PSMD3: variants seen among roughly 807,000 people sequenced by gnomAD.
The protein encoded by PSMD3 is 26S proteasome non-ATPase regulatory subunit 3.
Under a neutral mutation model 62.8 loss-of-function variants are expected in PSMD3, and 5 were observed. That is an observed-to-expected ratio of 0.08 (90% confidence interval 0.04 to 0.17). The LOEUF is 0.17. PSMD3 is among the 10% of genes least tolerant of loss of function. The probability of loss-of-function intolerance (pLI) is 1.00; values close to 1 mark genes in which losing one functional copy is unlikely to be tolerated. For synonymous variants in PSMD3, 265 were observed against 283.9 expected, an observed-to-expected ratio of 0.93 and a Z score of 0.67; for missense variants, 524 against 713.6, an observed-to-expected ratio of 0.73 and a Z score of 3.03.
intron 4 of PSMD3, 131 bp downstream of exon 4, chr17:39,988,950 C>G: frequency 1.6e-6 from 2 of 1,249,272 alleles, no homozygotes; most frequent in Non-Finnish European, 1.1e-6. Context: ...CAGTGGTTCC[C>G]ATGCCCTGCG....
chr17:39,986,762 G>C, intron 3 of PSMD3, 50 bp downstream of exon 3: 1 of 1,595,336 alleles, frequency 6.3e-7, no homozygotes, highest in Non-Finnish European at 8.6e-7. Context: ...TGATGCAAGG[G>C]GTTTGGCGGG....
In PSMD3 at chr17:39,989,692, G is replaced by A. The variant is rs181992372; in HGVS notation, c.687-47G>A. 9.6e-6 allele frequency: 15 copies of A among 1,557,764 alleles called. No individual in the cohort carries two copies. In the East Asian group the frequency reaches 2.9e-4, roughly 30 times the overall value. Reference sequence around the variant, plus strand: ...AGAGCGAAGAGTTAAAGGCAGTTCAGAGAGTTGTGATTTGAAGGCTTTGAC... The same window carrying A: ...AGAGCGAAGAGTTAAAGGCAGTTCAAAGAGTTGTGATTTGAAGGCTTTGAC... On this transcript the variant is annotated intron_variant, in intron 4 of 11. Coordinates refer to ENST00000264639, the MANE Select transcript of PSMD3 (RefSeq NM_002809.4).
chr17:39,988,869 G>T (rs551997648), intron 4 of PSMD3, 50 bp downstream of exon 4: 3 of 1,599,208 alleles, frequency 1.9e-6, no homozygotes, highest in Admixed American at 3.3e-5. Context: ...CAGAGACTTG[G>T]TCAGTCACAA....
At chr17:39,983,651 A>G (rs758003442) in intron 1 of PSMD3, among the ~76,000 whole-genome samples, 1 of 152,084 alleles carries the variant, frequency 6.6e-6, no homozygotes, top group Non-Finnish European at 1.5e-5. Context: ...TGCGTATGTG[A>G]TTTCTCCCAT....
intron 6 of PSMD3, among the ~76,000 whole-genome samples, chr17:39,991,986 C>G (rs1980664920): frequency 7.1e-6 from 1 of 140,094 alleles, no homozygotes; most frequent in Non-Finnish European, 1.5e-5. Flanking sequence ...GATCGTGCCA[C>G]TGCACTGCAG....
chr17:39,997,410 A>C (rs779103864), intron 11 of PSMD3, 30 bp downstream of exon 11: 2 of 1,613,630 alleles, frequency 1.2e-6, no homozygotes, highest in Admixed American at 1.7e-5. Flanking sequence ...GGTGAGACCG[A>C]AAGGTCAAAC....
chr17:39,982,717 T>G (rs1451415455), intron 1 of PSMD3, among the ~76,000 whole-genome samples: 4 of 152,242 alleles, frequency 2.6e-5, no homozygotes, highest in African/African-American at 9.6e-5. Context: ...ATCATTAGTG[T>G]GGCCCAGATA....
In PSMD3 at chr17:39,987,807, C is replaced by A. The variant is rs147210161; in HGVS notation, c.550-876C>A. 2.6e-3 allele frequency among the ~76,000 whole-genome samples: 394 copies of A among 152,224 alleles called. 5 individuals carry two copies. Among genetic ancestry groups the A allele is most frequent in the South Asian group, 7.7e-3 (37 of 4,820 alleles). ...TGTTTGTTTTTGAGATATAATTCAC[C>A]CCTTTAAAGTGTACTACAGGCCAGG... On this transcript the variant is annotated intron_variant, in intron 3 of 11. Coordinates refer to ENST00000264639, the MANE Select transcript of PSMD3 (RefSeq NM_002809.4).
chr17:39,984,367 G>A lies in PSMD3; in HGVS notation c.294G>A (p.Leu98=). The change falls in exon 2 of 12, where the codon CTG becomes CTA. Residue 98 remains leucine (L), a synonymous_variant. Transcript: ENST00000264639. ...AGCCGAGATTCGTGCTGCGGGCCCT[G>A]CGGATGCTGCCTTCCACATCACGCC... ...GKEPRFVLRA[L]RMLPSTSRRL... 6.2e-7 allele frequency: 1 copy of A among 1,613,836 alleles called. No homozygotes were observed. Among genetic ancestry groups the A allele is most frequent in the South Asian group, 1.1e-5 (1 of 91,060 alleles).
In PSMD3 at chr17:39,997,637, G is replaced by T; in HGVS notation, c.*56G>T. On this transcript the variant is annotated 3_prime_UTR_variant, in exon 12 of 12. Coordinates refer to ENST00000264639, the MANE Select transcript of PSMD3 (RefSeq NM_002809.4). Reference sequence around the variant, plus strand: ...GGGGACAGGCTCTTTCCCCCTTGGGGGTCCCCTGCCCAGGGCACTGTCCCC... The same window carrying T: ...GGGGACAGGCTCTTTCCCCCTTGGGTGTCCCCTGCCCAGGGCACTGTCCCC... The T allele has an allele frequency of 6.4e-7, 1 of 1,572,432 alleles. No individual in the cohort carries two copies. Among genetic ancestry groups the T allele is most frequent in the Non-Finnish European group, 8.7e-7 (1 of 1,149,102 alleles).
intron 6 of PSMD3, 107 bp from the exon 7 acceptor site, chr17:39,994,847 C>T: frequency 5.4e-6 from 5 of 921,126 alleles, no homozygotes; most frequent in Non-Finnish European, 8.5e-6. Flanking sequence ...AACAGTGATC[C>T]CTTTCCCTGT....
At chr17:39,994,694 G>A (rs978235428) in intron 6 of PSMD3, 17 of 505,910 alleles carry the variant, frequency 3.4e-5, no homozygotes, top group Admixed American at 1.3e-4. Context: ...GACTACGCGC[G>A]GGGTGGCCAG....
At chr17:39,986,758 A>G (rs1311657507) in intron 3 of PSMD3, 46 bp downstream of exon 3, 1 of 1,605,118 alleles carries the variant, frequency 6.2e-7, no homozygotes, top group East Asian at 2.2e-5. Flanking sequence ...CAAGTGATGC[A>G]AGGGGTTTGG....
In PSMD3 at chr17:39,981,045, A is replaced by G. The variant is rs1980368427; in HGVS notation, c.75A>G (p.Glu25=). The change falls in exon 1 of 12, where the codon GAA becomes GAG. Residue 25 remains glutamate, a synonymous_variant. Transcript: ENST00000264639. ...AKPPPGGGEQ[E]PPPPPAPQDV... ...CGCCGCCCGGCGGAGGAGAACAAGA[A>G]CCCCCACCGCCGCCGGCCCCCCAGG... is the stretch of plus-strand genomic sequence containing the variant. The G allele has an allele frequency of 6.5e-7, 1 of 1,549,042 alleles. No individual in the cohort carries two copies. Among genetic ancestry groups the G allele is most frequent in the African/African-American group, 1.4e-5 (1 of 72,870 alleles).
At position 39,988,710 on chromosome 17, in the gene PSMD3, C is replaced by A; in HGVS notation, c.577C>A (p.Gln193Lys). 6.2e-7 allele frequency: 1 copy of A among 1,614,160 alleles called. No homozygotes were observed. The highest frequency in any genetic ancestry group is 1.1e-5 in the South Asian group (1 of 91,086). The change falls in exon 4 of 12, where the codon CAG (glutamine) becomes AAG (lysine). Residue 193 changes from glutamine to lysine, a missense_variant. This residue lies in a region of PSMD3 where 396 missense variants were observed against 475.8 expected (regional missense o/e 0.83). Coordinates refer to ENST00000264639, the MANE Select transcript of PSMD3 (RefSeq NM_002809.4). ...ACAGAAGATCTCTGATGATCTGATG[C>A]AGAAGATCAGTACTCAGAACCGCCG... ...EAQKISDDLM[Q>K]KISTQNRRAL...
intron 1 of PSMD3, among the ~76,000 whole-genome samples, chr17:39,982,352 A>G (rs1165429469): frequency 6.6e-6 from 1 of 152,228 alleles, no homozygotes; most frequent in Non-Finnish European, 1.5e-5. Flanking sequence ...TGTGGAATGT[A>G]TGAGAAGTTA....
At chr17:39,984,164 C>T (rs1980461200) in intron 1 of PSMD3, 130 bp from the exon 2 acceptor site, 2 of 783,256 alleles carry the variant, frequency 2.6e-6, no homozygotes, top group African/African-American at 1.9e-5. Flanking sequence ...CACACCACTG[C>T]ACTCCGGCCT....
intron 6 of PSMD3, 129 bp downstream of exon 6, chr17:39,990,326 G>C (rs1980626410): frequency 1.3e-6 from 1 of 782,360 alleles, no homozygotes; most frequent in Non-Finnish European, 2.0e-6. Flanking sequence ...GCTTCCCAAA[G>C]TGCTGGGATC....
intron 6 of PSMD3, 30 bp downstream of exon 6, chr17:39,990,227 C>CTATT: frequency 2.2e-6 from 3 of 1,381,398 alleles, no homozygotes; most frequent in Non-Finnish European, 2.9e-6. Flanking sequence ...ATCCCTTTGC[C>CTATT]TCTTTTTTTT....
Sources: allele counts gnomAD v4.1 joint callset (sites outside exome capture counted in the v4.1 genomes callset), GRCh38; gene constraint gnomAD v4.1.1; regional missense constraint gnomAD v4.1.1; transcripts MANE v1.5; gene names NCBI Gene and HGNC (gene_info 2026-07-23, HGNC 2026-07-21).